UBE2D2: variants seen among roughly 807,000 people sequenced by gnomAD.
UBE2D2 encodes the protein ubiquitin-conjugating enzyme E2 D2.
Under a neutral mutation model 24.2 loss-of-function variants are expected in UBE2D2, and 2 were observed. The ratio of observed to expected loss-of-function variants is 0.08; its 90% confidence interval spans 0.03 to 0.26. The LOEUF is 0.26. Among genes scored for constraint, UBE2D2 ranks in the 10% least tolerant of loss-of-function variants. UBE2D2 has a pLI of 1.00. For synonymous variants in UBE2D2, 58 were observed against 56.5 expected (o/e 1.03, Z -0.12); for missense variants, 44 against 177.6 (o/e 0.25, Z 4.28).
chr5:139,567,679 A>T (rs1445575908), intron 1 of UBE2D2, among the ~76,000 whole-genome samples: 1 of 150,882 alleles, frequency 6.6e-6, no homozygotes, highest in Non-Finnish European at 1.5e-5. Flanking sequence ...GACTACAGGC[A>T]TGCACCCCCA....
chr5:139,535,680 G>A (rs557573485), intron 1 of UBE2D2, among the ~76,000 whole-genome samples: 4 of 152,182 alleles, frequency 2.6e-5, no homozygotes, highest in African/African-American at 7.2e-5. Context: ...AATATGGAAG[G>A]CTATGCCCCT....
At chr5:139,556,698 A>T (rs1258925538), upstream of UBE2D2, among the ~76,000 whole-genome samples, 1 of 152,210 alleles carries the variant, frequency 6.6e-6, no homozygotes, top group Non-Finnish European at 1.5e-5. Context: ...CCATTAACCT[A>T]ATAAAAGGAA....
chr5:139,595,442 G>A (rs550005264), intron 1 of UBE2D2, among the ~76,000 whole-genome samples: 1 of 151,918 alleles, frequency 6.6e-6, no homozygotes, highest in African/African-American at 2.4e-5. Context: ...GCAGTAGCAC[G>A]ATGTTGTCTC....
intron 1 of UBE2D2, among the ~76,000 whole-genome samples, chr5:139,553,204 C>T (rs760003846): frequency 2.6e-5 from 4 of 152,102 alleles, no homozygotes; most frequent in African/African-American, 9.7e-5. Flanking sequence ...CTATACCTTA[C>T]GAAATACCAG....
At chr5:139,564,393 A>G (rs1449927888) in intron 1 of UBE2D2, among the ~76,000 whole-genome samples, 1 of 149,292 alleles carries the variant, frequency 6.7e-6, no homozygotes, top group Non-Finnish European at 1.5e-5. Flanking sequence ...ACCTCCGGTG[A>G]TCCACCTGCC....
chr5:139,595,892 G>GTTTTTTTTTTTTTTTTTTTTTT (rs70988709), intron 1 of UBE2D2, among the ~76,000 whole-genome samples: 15 of 98,846 alleles, frequency 1.5e-4, no homozygotes, highest in East Asian at 5.6e-4. Flanking sequence ...GTTTTTTGTT[G>GTTTTTTTTTTTTTTTTTTTTTT]TTTTTTTTTT....
chr5:139,543,713 T>A (rs1040887990), intron 1 of UBE2D2, among the ~76,000 whole-genome samples: 9 of 152,260 alleles, frequency 5.9e-5, no homozygotes, highest in African/African-American at 2.2e-4. Flanking sequence ...CCCAATTCTT[T>A]CCTGAGAGCA....
At chr5:139,563,685 C>A (rs528027981) in intron 1 of UBE2D2, among the ~76,000 whole-genome samples, 28 of 152,264 alleles carry the variant, frequency 1.8e-4, no homozygotes, top group Middle Eastern at 6.8e-3. Context: ...GTAATCCCAG[C>A]ACTTTGGGAG....
intron 1 of UBE2D2, among the ~76,000 whole-genome samples, chr5:139,581,690 A>G (rs1261874842): frequency 1.3e-5 from 2 of 152,004 alleles, no homozygotes; most frequent in South Asian, 2.1e-4. Context: ...TGTTTTTGAG[A>G]TGGAGTCTCG....
At chr5:139,608,055 G>T (rs1204695178) in intron 2 of UBE2D2, among the ~76,000 whole-genome samples, 1 of 151,892 alleles carries the variant, frequency 6.6e-6, no homozygotes, top group Non-Finnish European at 1.5e-5. Context: ...ATATGCTAGA[G>T]TATCTCTAAC....
At chr5:139,549,846 G>A (rs190587219) in intron 1 of UBE2D2, among the ~76,000 whole-genome samples, 2 of 152,350 alleles carry the variant, frequency 1.3e-5, no homozygotes, top group South Asian at 2.1e-4. Flanking sequence ...TGTCTAGCTG[G>A]AGGAGTGTAC....
intron 1 of UBE2D2, among the ~76,000 whole-genome samples, chr5:139,565,723 CTTCT>C (rs1484059479): frequency 6.6e-6 from 1 of 152,130 alleles, no homozygotes; most frequent in East Asian, 1.9e-4. Context: ...TCCTGTTTTT[CTTCT>C]TTACTTTTGC....
upstream of UBE2D2, among the ~76,000 whole-genome samples, chr5:139,559,155 G>A (rs1321619862): frequency 6.6e-6 from 1 of 152,016 alleles, no homozygotes; most frequent in Admixed American, 6.6e-5. Flanking sequence ...GGCCGGGCGC[G>A]GTGGCTCACG....
At chr5:139,574,744 AAAAAAAAAAG>A (rs1753431554) in intron 1 of UBE2D2, among the ~76,000 whole-genome samples, 1 of 149,466 alleles carries the variant, frequency 6.7e-6, no homozygotes, top group African/African-American at 2.4e-5. Context: ...GCAAAAAAAA[AAAAAAAAAAG>A]AAAAGAAAAG....
At chr5:139,566,247 G>A (rs964916300) in intron 1 of UBE2D2, among the ~76,000 whole-genome samples, 1 of 152,062 alleles carries the variant, frequency 6.6e-6, no homozygotes, top group Non-Finnish European at 1.5e-5. Context: ...TTGAACTCCT[G>A]ACGTCAGGAG....
chr5:139,614,544 T>C (rs1754385283), intron 2 of UBE2D2, 42 bp from the exon 3 acceptor site: 3 of 1,608,970 alleles, frequency 1.9e-6, no homozygotes, highest in Non-Finnish European at 2.5e-6. Flanking sequence ...AGATACAATG[T>C]AGATATTGTT....
intron 5 of UBE2D2, 33 bp downstream of exon 5, chr5:139,614,999 A>G: frequency 1.3e-6 from 2 of 1,547,962 alleles, no homozygotes; most frequent in Non-Finnish European, 1.8e-6. Flanking sequence ...AAGATAAAGC[A>G]ACCGTGTCTT....
chr5:139,593,218 T>C (rs1753883393), intron 1 of UBE2D2, among the ~76,000 whole-genome samples: 1 of 151,730 alleles, frequency 6.6e-6, no homozygotes, highest in Non-Finnish European at 1.5e-5. Flanking sequence ...CTGGTCTCTA[T>C]CTCTTGACCT....
At chr5:139,556,144 G>T (rs1752978895) in intron 1 of UBE2D2, among the ~76,000 whole-genome samples, 1 of 151,356 alleles carries the variant, frequency 6.6e-6, no homozygotes, top group Admixed American at 6.6e-5. Context: ...GCTGAGGAAG[G>T]AAAATCACTT....
Sources: allele counts gnomAD v4.1 joint callset (sites outside exome capture counted in the v4.1 genomes callset), GRCh38; gene constraint gnomAD v4.1.1; transcripts MANE v1.5; gene names NCBI Gene and HGNC (gene_info 2026-07-23, HGNC 2026-07-21).